P4HA1: variants seen among roughly 807,000 people sequenced by gnomAD.
P4HA1 encodes prolyl 4-hydroxylase subunit alpha 1.
In P4HA1, 24 loss-of-function variants were observed where a neutral mutation model predicts 72.8. The observed-to-expected ratio is 0.33, with a 90% CI of 0.24 to 0.46. P4HA1 has a LOEUF of 0.46. Ranked by LOEUF, P4HA1 falls within the 20% of genes least tolerant of loss-of-function variation. The pLI, the probability that P4HA1 is intolerant of heterozygous loss-of-function variation, is 1.00. For synonymous variants in P4HA1, 201 were observed against 218.8 expected, an observed-to-expected ratio of 0.92 and a Z score of 0.72; for missense variants, 446 against 640.6, an observed-to-expected ratio of 0.70 and a Z score of 3.28.
In P4HA1 at chr10:73,073,803, G is replaced by A. The variant is rs769433970; in HGVS notation, c.101C>T (p.Thr34Ile). The A allele has an allele frequency of 3.8e-6, 6 of 1,573,838 alleles. No individual in the cohort carries two copies. Among genetic ancestry groups the A allele is most frequent in the Non-Finnish European group, 5.2e-6 (6 of 1,144,268 alleles). ...CAGAGAAGTCACCAGATCTTTCTCA[G>A]TATGGATCAAATCAGTCATCTGACC... ...SIGQMTDLIH[T>I]EKDLVTSLKD... Residue 34 changes from threonine (T) to isoleucine (I), a missense_variant, in exon 3 of 15, where the codon ACT becomes ATT. Thr to Ile is a moderately conservative substitution (Grantham distance 89, BLOSUM62 -1). Coordinates refer to ENST00000394890, the MANE Select transcript of P4HA1 (RefSeq NM_001017962.3).
chr10:73,047,463 A>T (rs936123884), intron 7 of P4HA1, among the ~76,000 whole-genome samples: 1 of 151,642 alleles, frequency 6.6e-6, no homozygotes, highest in African/African-American at 2.4e-5. Flanking sequence ...GGCACAAAGT[A>T]ACTGGAAAGC....
chr10:73,058,860 C>T (rs1404197964), intron 5 of P4HA1, among the ~76,000 whole-genome samples: 4 of 150,846 alleles, frequency 2.7e-5, no homozygotes, highest in African/African-American at 9.8e-5. Context: ...CTGCAACCTC[C>T]GTGCCCCGCC....
intron 5 of P4HA1, among the ~76,000 whole-genome samples, chr10:73,062,972 C>T (rs537367083): frequency 2.8e-5 from 4 of 144,440 alleles, no homozygotes; most frequent in African/African-American, 5.6e-5. Flanking sequence ...TCTCCATTCA[C>T]TTTTTTTTTC....
At chr10:73,051,465 A>G (rs1010851401) in intron 6 of P4HA1, among the ~76,000 whole-genome samples, 1 of 152,184 alleles carries the variant, frequency 6.6e-6, no homozygotes, top group Non-Finnish European at 1.5e-5. Flanking sequence ...TCACCTATAT[A>G]AAAACAGTTC....
At chr10:73,045,248 A>AT (rs1391332940) in intron 8 of P4HA1, among the ~76,000 whole-genome samples, 197 bp from the exon 9 acceptor site, 3 of 150,910 alleles carry the variant, frequency 2.0e-5, no homozygotes, top group Non-Finnish European at 3.0e-5. Flanking sequence ...TTTTTCTTCA[A>AT]TTTTTTGTTT....
At chr10:73,049,368 C>T (rs914335929) in intron 7 of P4HA1, among the ~76,000 whole-genome samples, 1 of 152,230 alleles carries the variant, frequency 6.6e-6, no homozygotes, top group African/African-American at 2.4e-5. Flanking sequence ...AAAGTACTTA[C>T]TCCAAAAATT....
chr10:73,095,522 TAAAAA>T (rs3065972), intron 1 of P4HA1, among the ~76,000 whole-genome samples: 3 of 133,508 alleles, frequency 2.2e-5, no homozygotes, highest in African/African-American at 5.4e-5. Flanking sequence ...ACCAGAACTT[TAAAAA>T]AAAAAAAAAA....
intron 5 of P4HA1, among the ~76,000 whole-genome samples, chr10:73,059,410 T>G (rs1589610369): frequency 1.8e-5 from 1 of 54,552 alleles, no homozygotes; most frequent in African/African-American, 7.1e-5. Context: ...GGCAAAATAA[T>G]GAGACAATAT....
At chr10:73,046,856 T>C (rs376082469) in intron 8 of P4HA1, 69 bp downstream of exon 8, 29 of 1,209,310 alleles carry the variant, frequency 2.4e-5, no homozygotes, top group Admixed American at 8.8e-5. Context: ...AATTATCCTA[T>C]TTTTTTACAA....
chr10:73,013,916 T>C (rs1485051835), intron 12 of P4HA1, among the ~76,000 whole-genome samples: 1 of 152,132 alleles, frequency 6.6e-6, no homozygotes, highest in Non-Finnish European at 1.5e-5. Context: ...GAAATTCAAA[T>C]ATATAGAGAT....
At chr10:73,078,650 T>C (rs1296633147) in intron 1 of P4HA1, among the ~76,000 whole-genome samples, 2 of 147,198 alleles carry the variant, frequency 1.4e-5, no homozygotes, top group Non-Finnish European at 3.0e-5. Flanking sequence ...CTCATTCTGT[T>C]GCCCAGGCTG....
intron 11 of P4HA1, among the ~76,000 whole-genome samples, chr10:73,016,071 G>T (rs1840002374): frequency 6.6e-6 from 1 of 152,052 alleles, no homozygotes; most frequent in African/African-American, 2.4e-5. Flanking sequence ...TGGGCTTCTG[G>T]TATTTACCTC....
At chr10:73,021,443 A>T (rs1487780435) in intron 10 of P4HA1, among the ~76,000 whole-genome samples, 1 of 152,242 alleles carries the variant, frequency 6.6e-6, no homozygotes, top group Non-Finnish European at 1.5e-5. Context: ...ATGAATGGAT[A>T]AAGAAAATGT....
At chr10:73,076,886 T>C (rs1589623663) in intron 1 of P4HA1, among the ~76,000 whole-genome samples, 1 of 152,172 alleles carries the variant, frequency 6.6e-6, no homozygotes, top group Non-Finnish European at 1.5e-5. Flanking sequence ...CAGGTTCAAA[T>C]TGAAAGCTCC....
rs78447615 is a variant in P4HA1, at chr10:73,017,103, A to G, written c.1249-204T>C. 5.0e-3 allele frequency among the ~76,000 whole-genome samples: 698 copies of G among 140,030 alleles called. 1 individual carries two copies. Among genetic ancestry groups the G allele is most frequent in the African/African-American group, 0.021 (649 of 30,246 alleles). The allele number at this position is 140,030 out of a possible 152,430, so 91.9% of individuals were successfully genotyped here. ...CTACTATATATCTATGTACAGATCTATATCTACAGATGTATATATAGATAT... is the reference window on the plus strand; with the variant it reads ...CTACTATATATCTATGTACAGATCTGTATCTACAGATGTATATATAGATAT... On this transcript the variant is annotated intron_variant, in intron 10 of 14. Coordinates refer to ENST00000394890, the MANE Select transcript of P4HA1 (RefSeq NM_001017962.3).
At chr10:73,039,853 CCT>C (rs1491551166) in intron 9 of P4HA1, among the ~76,000 whole-genome samples, 2 of 139,100 alleles carry the variant, frequency 1.4e-5, no homozygotes, top group South Asian at 2.3e-4. Flanking sequence ...ACTGAGATGG[CCT>C]TTTTTTTTTT....
intron 1 of P4HA1, among the ~76,000 whole-genome samples, chr10:73,095,383 TA>T (rs1842141724): frequency 6.6e-6 from 1 of 152,068 alleles, no homozygotes; most frequent in Non-Finnish European, 1.5e-5. Context: ...AAAATCCCTT[TA>T]AAATGTTTTT....
At chr10:73,089,881 G>A (rs567672344) in intron 1 of P4HA1, among the ~76,000 whole-genome samples, 42 of 152,250 alleles carry the variant, frequency 2.8e-4, no homozygotes, top group African/African-American at 9.9e-4. Context: ...CCGATGCCCC[G>A]GCTAGAGTGC....
At chr10:73,024,928 C>T (rs1008868373) in intron 10 of P4HA1, among the ~76,000 whole-genome samples, 2 of 152,016 alleles carry the variant, frequency 1.3e-5, no homozygotes, top group Non-Finnish European at 2.9e-5. Flanking sequence ...ACACCCAAGA[C>T]CAAACCAGGA....
Sources: allele counts gnomAD v4.1 joint callset (sites outside exome capture counted in the v4.1 genomes callset), GRCh38; gene constraint gnomAD v4.1.1; transcripts MANE v1.5; gene names NCBI Gene and HGNC (gene_info 2026-07-23, HGNC 2026-07-21).